Variants in AMMECR1 observed in about 807,000 individuals in gnomAD.
The protein encoded by AMMECR1 is nuclear protein AMMECR1.
In AMMECR1, 3 loss-of-function variants were observed where a neutral mutation model predicts 22.5. That is an observed-to-expected ratio of 0.13 (90% CI 0.06 to 0.35). The LOEUF (loss-of-function observed/expected upper bound fraction) is 0.35. Among genes scored for constraint, AMMECR1 ranks in the 10% least tolerant of loss-of-function variants. The pLI is 1.00. For synonymous variants in AMMECR1, 130 were observed against 116.7 expected, an observed-to-expected ratio of 1.11 and a Z score of -0.74; for missense variants, 235 against 278.7, an observed-to-expected ratio of 0.84 and a Z score of 1.12.
At chrX:110,245,670 T>C (rs2067655092) in intron 2 of AMMECR1, among the ~76,000 whole-genome samples, 1 of 110,695 alleles carries the variant, frequency 9.0e-6, no homozygotes, top group African/African-American at 3.3e-5. Flanking sequence ...GGTACTGTTT[T>C]GTTTGTTGAA....
chrX:110,364,974 G>A (rs936423348), intron 2 of AMMECR1, among the ~76,000 whole-genome samples: 2 of 111,896 alleles, frequency 1.8e-5, no homozygotes, highest in African/African-American at 6.5e-5. Flanking sequence ...ATTAAGACAA[G>A]GATTCTGTAG....
intron 1 of AMMECR1, among the ~76,000 whole-genome samples, chrX:110,291,793 T>C (rs771558831): frequency 8.9e-6 from 1 of 112,188 alleles, no homozygotes; most frequent in Non-Finnish European, 1.9e-5. Flanking sequence ...CATGTGCCTA[T>C]GGGACTACAT....
At chrX:110,379,963 G>T (rs1289435078) in intron 2 of AMMECR1, among the ~76,000 whole-genome samples, 1 of 111,763 alleles carries the variant, frequency 8.9e-6, no homozygotes, top group African/African-American at 3.3e-5. Context: ...CTCATTTACA[G>T]ATGAGGAAAC....
chrX:110,367,783 A>G (rs1569415839), intron 2 of AMMECR1, among the ~76,000 whole-genome samples: 1 of 110,054 alleles, frequency 9.1e-6, no homozygotes, highest in Non-Finnish European at 1.9e-5. Flanking sequence ...GATCCTATCT[A>G]TCAGCAATAC....
chrX:110,233,184 T>A (rs1333138487), intron 2 of AMMECR1, among the ~76,000 whole-genome samples: 2 of 111,128 alleles, frequency 1.8e-5, no homozygotes, highest in Non-Finnish European at 3.8e-5. Flanking sequence ...CAAACTACTA[T>A]CAGAGAATAC....
chrX:110,334,860 T>C (rs2068135036), intron 2 of AMMECR1, among the ~76,000 whole-genome samples: 1 of 111,784 alleles, frequency 8.9e-6, no homozygotes, highest in African/African-American at 3.3e-5. Flanking sequence ...GCCTGCTTCA[T>C]TGCCAGCTCC....
intron 1 of AMMECR1, among the ~76,000 whole-genome samples, chrX:110,315,833 T>C (rs959778435): frequency 2.7e-5 from 3 of 112,103 alleles, no homozygotes; most frequent in East Asian, 5.5e-4. Flanking sequence ...ATCCCAGGAC[T>C]AGCTTTAATA....
chrX:110,414,636 G>A (rs149427715), intron 2 of AMMECR1, among the ~76,000 whole-genome samples: 2 of 112,903 alleles, frequency 1.8e-5, no homozygotes, highest in Non-Finnish European at 3.7e-5. Context: ...CATCTCATTC[G>A]TTTAGACCTT....
intron 2 of AMMECR1, among the ~76,000 whole-genome samples, chrX:110,236,597 T>C (rs1430700534): frequency 8.9e-6 from 1 of 112,283 alleles, no homozygotes; most frequent in Non-Finnish European, 1.9e-5. Flanking sequence ...TGCTCATTTT[T>C]ACTCACCATT....
intron 1 of AMMECR1, among the ~76,000 whole-genome samples, chrX:110,268,883 T>A (rs2067783703): frequency 8.9e-6 from 1 of 111,789 alleles, no homozygotes; most frequent in South Asian, 3.7e-4. Context: ...TTTTGCCATA[T>A]GGTTTGAGGC....
At chrX:110,282,875 T>C (rs950907969) in intron 1 of AMMECR1, among the ~76,000 whole-genome samples, 3 of 111,666 alleles carry the variant, frequency 2.7e-5, no homozygotes, top group African/African-American at 9.8e-5. Context: ...ATGCATTTTC[T>C]TCTTCTCGGC....
At chrX:110,372,180 T>C (rs1255583649) in intron 2 of AMMECR1, among the ~76,000 whole-genome samples, 1 of 112,388 alleles carries the variant, frequency 8.9e-6, no homozygotes, top group Non-Finnish European at 1.9e-5. Flanking sequence ...TATTCGTTAT[T>C]GTTTCCTGGC....
At chrX:110,257,819 A>C (rs769183263) in intron 2 of AMMECR1, among the ~76,000 whole-genome samples, 1 of 112,079 alleles carries the variant, frequency 8.9e-6, no homozygotes, top group African/African-American at 3.2e-5. Flanking sequence ...ATAACTTCTT[A>C]TCTCTCCTAA....
intron 1 of AMMECR1, among the ~76,000 whole-genome samples, chrX:110,268,624 A>G (rs764527019): frequency 4.5e-5 from 5 of 111,929 alleles, no homozygotes; most frequent in Non-Finnish European, 9.4e-5. Flanking sequence ...CATTCAACAC[A>G]TATTATCTAA....
At chrX:110,306,355 T>C (rs2067995208) in intron 1 of AMMECR1, among the ~76,000 whole-genome samples, 1 of 112,349 alleles carries the variant, frequency 8.9e-6, no homozygotes, top group South Asian at 3.7e-4. Flanking sequence ...TTAATGCCTT[T>C]AGTTTATTCA....
chrX:110,357,237 A>T (rs1427687661), intron 2 of AMMECR1, among the ~76,000 whole-genome samples: 1 of 112,318 alleles, frequency 8.9e-6, no homozygotes, highest in African/African-American at 3.2e-5. Context: ...GGTCCTCCAA[A>T]GTAACGTAGG....
At chrX:110,230,982 T>TA (rs763413189) in intron 2 of AMMECR1, among the ~76,000 whole-genome samples, 1 of 110,860 alleles carries the variant, frequency 9.0e-6, no homozygotes, top group African/African-American at 3.3e-5. Context: ...AGGTTAGAGA[T>TA]AAAAAAGTAA....
At chrX:110,284,239 A>T (rs1012319192) in intron 1 of AMMECR1, among the ~76,000 whole-genome samples, 1 of 112,354 alleles carries the variant, frequency 8.9e-6, no homozygotes, top group African/African-American at 3.2e-5. Flanking sequence ...ACAGAACCAG[A>T]GGGGGGAAAA....
chrX:110,291,969 T>C (rs947085114), intron 1 of AMMECR1, among the ~76,000 whole-genome samples: 1 of 112,024 alleles, frequency 8.9e-6, no homozygotes, highest in African/African-American at 3.2e-5. Flanking sequence ...ACCCATAGAA[T>C]GGAATGTCTT....
Sources: gnomAD v4.1 joint callset for allele counts (sites outside exome capture counted in the v4.1 genomes callset) on GRCh38, gnomAD v4.1.1 for gene constraint, MANE v1.5 for transcripts, NCBI Gene and HGNC (gene_info 2026-07-23, HGNC 2026-07-21) for gene names.